VRK2: variants seen among roughly 807,000 people sequenced by gnomAD.
VRK2 encodes the protein serine/threonine-protein kinase VRK2.
Under a neutral mutation model 57.6 loss-of-function variants are expected in VRK2, and 60 were observed. That is an observed-to-expected ratio of 1.04 (90% CI 0.85 to 1.29). VRK2 has a LOEUF of 1.29. VRK2 is among the 50% of genes most tolerant of loss of function. The pLI is 0.00. For missense variants in VRK2, 705 were observed against 588.1 expected (o/e 1.20, Z -2.06); for synonymous variants, 231 against 199.2 (o/e 1.16, Z -1.35).
At chr2:58,069,362 C>T (rs3771206) in intron 2 of VRK2, among the ~76,000 whole-genome samples, 23,213 of 152,130 alleles carry the variant, frequency 0.15, 2,801 homozygotes, top group African/African-American at 0.33. Context: ...GTTAGCTCCA[C>T]GTATACACAG....
chr2:58,061,011 A>G (rs1483512556), intron 2 of VRK2, among the ~76,000 whole-genome samples: 1 of 151,962 alleles, frequency 6.6e-6, no homozygotes. Context: ...ATGATTGAAA[A>G]TGACTTACAA....
chr2:58,157,690 T>C (rs1017715907), intron 12 of VRK2, among the ~76,000 whole-genome samples: 3 of 152,206 alleles, frequency 2.0e-5, no homozygotes, highest in Admixed American at 1.3e-4. Context: ...TAACAAGTTA[T>C]GATGATCTGT....
chr2:58,119,282 C>T (rs1381191055), intron 7 of VRK2, among the ~76,000 whole-genome samples: 1 of 150,558 alleles, frequency 6.6e-6, no homozygotes, highest in Non-Finnish European at 1.5e-5. Flanking sequence ...TGGATCACTT[C>T]AGGTCAGGAG....
At position 58,063,421 on chromosome 2, in the gene VRK2, G is replaced by A. The variant is rs368326046; in HGVS notation, c.136+14454G>A. Among the ~76,000 whole-genome samples the A allele has an allele frequency of 3.1e-4, 47 of 151,768 alleles. No individual in the cohort carries two copies. In the South Asian group the frequency reaches 9.1e-3, roughly 29 times the overall value. ...TACTTAACAAAAATGTATTGTACTT[G>A]GGTAATGGGCACCCTGAATACCCTG... On this transcript the variant is annotated intron_variant, in intron 2 of 12. Transcript: ENST00000340157.
chr2:58,075,322 A>G (rs1011495236), intron 2 of VRK2, among the ~76,000 whole-genome samples: 1 of 151,960 alleles, frequency 6.6e-6, no homozygotes, highest in Non-Finnish European at 1.5e-5. Context: ...GATCTTTGCT[A>G]TTGTGAATGG....
Position 58,088,212 on chromosome 2 carries a change from C to T in VRK2, c.345-129C>T, listed in dbSNP as rs571344087. 2.4e-4 allele frequency: 160 copies of T among 670,192 alleles called. No homozygotes were observed. In the African/African-American group the frequency reaches 2.6e-3, roughly 11 times the overall value. 41.5% of individuals were successfully genotyped at this position (670,192 alleles called of 1,614,324 possible). Reference sequence around the variant, plus strand: ...GCAGAATTATGAACGTGCATTCATTCTCTAATGGTTTAGATTGCATTATAC... The same window carrying T: ...GCAGAATTATGAACGTGCATTCATTTTCTAATGGTTTAGATTGCATTATAC... On this transcript the variant is annotated intron_variant, in intron 5 of 12. Coordinates refer to ENST00000340157, the MANE Select transcript of VRK2 (RefSeq NM_006296.7).
At chr2:57,969,323 G>T (rs1217827394) in intron 1 of VRK2, among the ~76,000 whole-genome samples, 1 of 151,564 alleles carries the variant, frequency 6.6e-6, no homozygotes, top group Non-Finnish European at 1.5e-5. Flanking sequence ...TTTTTGAATT[G>T]CAAGAAAATA....
intron 2 of VRK2, 79 bp from the exon 3 acceptor site, chr2:58,084,010 C>A: frequency 6.8e-7 from 1 of 1,478,420 alleles, no homozygotes; most frequent in Non-Finnish European, 9.2e-7. Context: ...AAATGCTTAG[C>A]ATAGTGTTTG....
intron 7 of VRK2, among the ~76,000 whole-genome samples, chr2:58,106,801 T>C (rs1336482342): frequency 2.0e-5 from 3 of 152,104 alleles, no homozygotes; most frequent in Non-Finnish European, 4.4e-5. Flanking sequence ...AACTATAGTT[T>C]TGAAAACTAT....
At chr2:58,021,381 T>A (rs944839601) in intron 1 of VRK2, among the ~76,000 whole-genome samples, 2 of 152,062 alleles carry the variant, frequency 1.3e-5, no homozygotes, top group Non-Finnish European at 2.9e-5. Flanking sequence ...ATATCCAAAA[T>A]AAAAAATGTA....
At chr2:58,023,509 C>T (rs1673828068) in intron 1 of VRK2, among the ~76,000 whole-genome samples, 1 of 152,056 alleles carries the variant, frequency 6.6e-6, no homozygotes, top group Non-Finnish European at 1.5e-5. Flanking sequence ...CTGTACAAAT[C>T]TCTGCCTTCA....
At chr2:58,112,507 G>A (rs939091296) in intron 7 of VRK2, among the ~76,000 whole-genome samples, 1 of 151,824 alleles carries the variant, frequency 6.6e-6, no homozygotes, top group Admixed American at 6.6e-5. Context: ...GTCTGTAGGG[G>A]TGGATAGAAA....
At chr2:57,963,882 A>G (rs1671833127) in intron 1 of VRK2, among the ~76,000 whole-genome samples, 1 of 152,228 alleles carries the variant, frequency 6.6e-6, no homozygotes, top group Non-Finnish European at 1.5e-5. Flanking sequence ...AGGATTTGCA[A>G]ATACACCTGT....
At chr2:58,054,449 G>A (rs992274904) in intron 2 of VRK2, among the ~76,000 whole-genome samples, 3 of 151,428 alleles carry the variant, frequency 2.0e-5, no homozygotes, top group Admixed American at 2.0e-4. Context: ...CCTGAAATGA[G>A]CTCACCTCTA....
At chr2:58,056,620 A>T (rs998644357) in intron 2 of VRK2, among the ~76,000 whole-genome samples, 1 of 151,830 alleles carries the variant, frequency 6.6e-6, no homozygotes, top group African/African-American at 2.4e-5. Context: ...TACTCACCCC[A>T]CTTCCTCTCA....
chr2:58,156,248 G>A (rs1387362933), intron 12 of VRK2, among the ~76,000 whole-genome samples: 1 of 151,912 alleles, frequency 6.6e-6, no homozygotes, highest in Non-Finnish European at 1.5e-5. Flanking sequence ...CTGCTAAGAA[G>A]TTAGCAGTTA....
chr2:58,130,702 GATACCTGTTTATAGCAGGTT>G (rs1679062691), intron 8 of VRK2, among the ~76,000 whole-genome samples: 1 of 152,092 alleles, frequency 6.6e-6, no homozygotes, highest in South Asian at 2.1e-4. Context: ...AATAAAATAG[GATACCTGTTTATAGCAGGTT>G]TAACAGCCAC....
chr2:58,119,139 G>A (rs538623241), intron 7 of VRK2, among the ~76,000 whole-genome samples: 245 of 152,232 alleles, frequency 1.6e-3, no homozygotes, highest in Middle Eastern at 6.8e-3. Flanking sequence ...CAGAGACAGC[G>A]AGCAGAAGTA....
chr2:57,931,831 G>C (rs1331536284), intron 1 of VRK2, among the ~76,000 whole-genome samples: 5 of 134,632 alleles, frequency 3.7e-5, no homozygotes, highest in Non-Finnish European at 6.3e-5. Flanking sequence ...TTTTTTTTTG[G>C]TATATGTATA....
Sources: gnomAD v4.1 joint callset for allele counts (sites outside exome capture counted in the v4.1 genomes callset) on GRCh38, gnomAD v4.1.1 for gene constraint, MANE v1.5 for transcripts, NCBI Gene and HGNC (gene_info 2026-07-23, HGNC 2026-07-21) for gene names.